NCAM2: variants seen among roughly 807,000 people sequenced by gnomAD.
NCAM2 encodes the protein N-CAM-2.
Under a neutral mutation model 98.1 loss-of-function variants are expected in NCAM2, and 30 were observed. That is an observed-to-expected ratio of 0.31 (90% confidence interval 0.23 to 0.41). NCAM2 has a LOEUF of 0.41. Among genes scored for constraint, NCAM2 ranks in the 10% least tolerant of loss-of-function variants. The pLI, the probability that NCAM2 is intolerant of heterozygous loss-of-function variation, is 1.00. For missense variants in NCAM2, 867 were observed against 1,005.8 expected (o/e 0.86, Z 1.87); for synonymous variants, 368 against 342.4 (o/e 1.07, Z -0.83).
intron 8 of NCAM2, among the ~76,000 whole-genome samples, chr21:21,351,849 T>C (rs2075349429): frequency 6.6e-6 from 1 of 152,076 alleles, no homozygotes; most frequent in African/African-American, 2.4e-5. Flanking sequence ...CAGGTTCCAG[T>C]GATTCTCCCG....
Position 21,301,609 on chromosome 21 carries a change from C to T in NCAM2, c.619+9368C>T, listed in dbSNP as rs1460999598. 4.1e-5 allele frequency among the ~76,000 whole-genome samples: 5 copies of T among 120,946 alleles called. No individual in the cohort carries two copies. The Admixed American group carries it at 5.0e-4, about 12-fold the overall frequency. 79.3% of individuals were successfully genotyped at this position (120,946 alleles called of 152,430 possible). ...GTCCATGTGATCTCATTGTTCAATT[C>T]CCACCTATGAGTGAGAATATGCGGT... On this transcript the variant is annotated intron_variant, in intron 5 of 17. Transcript: ENST00000400546.
intron 11 of NCAM2, among the ~76,000 whole-genome samples, chr21:21,431,123 T>TGTGTGTGTGTG (rs2077332482): frequency 1.4e-5 from 2 of 141,172 alleles, no homozygotes; most frequent in Non-Finnish European, 3.0e-5. Flanking sequence ...TAATATATGT[T>TGTGTGTGTGTG]TGTGTGTGTG....
At position 21,289,947 on chromosome 21, in the gene NCAM2, T is replaced by A. The variant is rs2073234835; in HGVS notation, c.482-2157T>A. The A allele has an allele frequency of 4.6e-5, 7 of 152,014 alleles. No individual in the cohort carries two copies. The South Asian group carries it at 8.3e-4, about 18-fold the overall frequency. 9.4% of individuals were successfully genotyped at this position (152,014 alleles called of 1,614,324 possible). ...AAATATTGCTGAGGGAGAAGAAGAC[T>A]TAAATTAAATAACGATAAACAGAGA... On this transcript the variant is annotated intron_variant, in intron 4 of 17. Coordinates refer to ENST00000400546, the MANE Select transcript of NCAM2 (RefSeq NM_004540.5).
intron 8 of NCAM2, among the ~76,000 whole-genome samples, chr21:21,365,987 AG>A (rs2075775806): frequency 6.8e-6 from 1 of 146,592 alleles, no homozygotes; most frequent in Admixed American, 6.9e-5. Flanking sequence ...GCAGGAAAAA[AG>A]GTGAATATAT....
chr21:21,338,504 G>C lies in NCAM2; in HGVS notation c.1014G>C (p.Val338=). 3.7e-6 allele frequency: 6 copies of C among 1,612,122 alleles called. No individual in the cohort carries two copies. Among genetic ancestry groups the C allele is most frequent in the Non-Finnish European group, 3.4e-6 (4 of 1,179,150 alleles). The part of the protein sequence containing the change: ...PIPEITWKRA[V]DGFTFTEGDK... The stretch of plus-strand genomic sequence containing the variant: ...CAGAAATCACTTGGAAAAGAGCTGT[G>C]GATGGCTTCACGTTCACTGAAGGCG... Residue 338 remains valine, a synonymous_variant, in exon 8 of 18, where the codon GTG becomes GTC. Coordinates refer to ENST00000400546, the MANE Select transcript of NCAM2 (RefSeq NM_004540.5).
At chr21:21,313,465 T>A (rs183652592) in intron 5 of NCAM2, among the ~76,000 whole-genome samples, 186 of 152,108 alleles carry the variant, frequency 1.2e-3, no homozygotes, top group Non-Finnish European at 2.1e-3. Flanking sequence ...TTACATCTTT[T>A]AATTTCATTT....
At chr21:21,184,995 C>A (rs952023436) in intron 1 of NCAM2, among the ~76,000 whole-genome samples, 1 of 152,064 alleles carries the variant, frequency 6.6e-6, no homozygotes, top group African/African-American at 2.4e-5. Context: ...CTAATTTAGT[C>A]AGTGTGGACA....
intron 1 of NCAM2, among the ~76,000 whole-genome samples, chr21:21,051,747 T>C (rs897835618): frequency 1.3e-5 from 2 of 152,194 alleles, no homozygotes; most frequent in African/African-American, 2.4e-5. Flanking sequence ...TGCCTGTTTC[T>C]TTTCCAAATT....
intron 10 of NCAM2, among the ~76,000 whole-genome samples, chr21:21,413,066 C>G (rs1569035910): frequency 6.6e-6 from 1 of 151,964 alleles, no homozygotes; most frequent in Non-Finnish European, 1.5e-5. Context: ...TAAAACATAA[C>G]CAAATATTCA....
At chr21:21,412,514 G>T (rs928365701) in intron 10 of NCAM2, among the ~76,000 whole-genome samples, 6 of 151,962 alleles carry the variant, frequency 3.9e-5, no homozygotes, top group Non-Finnish European at 8.8e-5. Context: ...TAGTTCCTCA[G>T]CCAACTCATA....
intron 15 of NCAM2, among the ~76,000 whole-genome samples, chr21:21,486,327 A>AAC (rs1986381923): frequency 6.7e-6 from 1 of 150,366 alleles, no homozygotes; most frequent in Non-Finnish European, 1.5e-5. Context: ...AAAAAAAAAA[A>AAC]ACTTCTGCTT....
chr21:21,114,019 G>C (rs545407963), intron 1 of NCAM2, among the ~76,000 whole-genome samples: 1 of 152,044 alleles, frequency 6.6e-6, no homozygotes, highest in Non-Finnish European at 1.5e-5. Context: ...AATCAATTTT[G>C]CTGTAGCTTG....
chr21:21,377,967 A>T (rs1036857756), intron 9 of NCAM2, among the ~76,000 whole-genome samples: 9 of 151,988 alleles, frequency 5.9e-5, no homozygotes, highest in African/African-American at 2.2e-4. Context: ...ATTTAACTGA[A>T]CACCAGTGTC....
intron 1 of NCAM2, among the ~76,000 whole-genome samples, chr21:21,245,890 T>C (rs1458865996): frequency 2.6e-5 from 4 of 151,950 alleles, no homozygotes; most frequent in Non-Finnish European, 5.9e-5. Flanking sequence ...GGAAGGTAAG[T>C]AGGTAGATAG....
At chr21:21,348,469 A>C (rs2075247246) in intron 8 of NCAM2, among the ~76,000 whole-genome samples, 1 of 152,152 alleles carries the variant, frequency 6.6e-6, no homozygotes, top group Non-Finnish European at 1.5e-5. Context: ...AAATGGAAAA[A>C]TATTGTATGT....
chr21:21,074,019 T>C (rs1282031321), intron 1 of NCAM2, among the ~76,000 whole-genome samples: 1 of 152,204 alleles, frequency 6.6e-6, no homozygotes, highest in Non-Finnish European at 1.5e-5. Context: ...TACAACACAG[T>C]GCTCTTGGTA....
chr21:21,363,792 A>G (rs1395103167), intron 8 of NCAM2, among the ~76,000 whole-genome samples: 4 of 152,080 alleles, frequency 2.6e-5, no homozygotes, highest in Admixed American at 2.6e-4. Context: ...TGTATATTTT[A>G]TCCCACACTG....
rs186919303 is a variant in NCAM2 at position 21,284,512 on chromosome 21, A to G, written c.337+112A>G. The G allele has an allele frequency of 5.2e-4, 404 of 779,896 alleles. 3 individuals carry two copies. In the African/African-American group the frequency reaches 6.4e-3, roughly 12 times the overall value. 48.3% of individuals were successfully genotyped at this position (779,896 alleles called of 1,614,324 possible). Reference sequence around the variant, plus strand: ...TAAGAACTATGTGCTTTGAAAATAAATATCAGTTTATTTATGCTTTACCAG... The same window carrying G: ...TAAGAACTATGTGCTTTGAAAATAAGTATCAGTTTATTTATGCTTTACCAG... On this transcript the variant is annotated intron_variant, in intron 3 of 17. Transcript: ENST00000400546.
intron 1 of NCAM2, among the ~76,000 whole-genome samples, chr21:21,039,130 A>G (rs573037165): frequency 9.5e-4 from 145 of 152,246 alleles, no homozygotes; most frequent in Non-Finnish European, 1.6e-3. Context: ...GCCCATTTTT[A>G]TAAACTTATT....
Sources: gnomAD v4.1 joint callset for allele counts (sites outside exome capture counted in the v4.1 genomes callset) on GRCh38, gnomAD v4.1.1 for gene constraint, MANE v1.5 for transcripts, NCBI Gene and HGNC (gene_info 2026-07-23, HGNC 2026-07-21) for gene names.